PTPRD: variants seen among roughly 807,000 people sequenced by gnomAD.
PTPRD encodes the protein protein tyrosine phosphatase receptor type D, also known as receptor-type tyrosine-protein phosphatase delta.
A neutral mutation model predicts 214.5 loss-of-function variants in PTPRD; 34 were observed. The observed-to-expected ratio is 0.16, with a 90% CI of 0.12 to 0.21. The LOEUF (loss-of-function observed/expected upper bound fraction) is 0.21, where lower values mean the gene tolerates loss of function less well. PTPRD is among the 10% of genes least tolerant of loss of function. The pLI is 1.00. For synonymous variants in PTPRD, 1,128 were observed against 845.7 expected, an observed-to-expected ratio of 1.33 and a Z score of -5.79; for missense variants, 2,545 against 2,398.7, an observed-to-expected ratio of 1.06 and a Z score of -1.27.
intron 39 of PTPRD, among the ~76,000 whole-genome samples, chr9:8,366,854 A>G (rs985507546): frequency 2.0e-5 from 3 of 152,232 alleles, no homozygotes; most frequent in Non-Finnish European, 4.4e-5. Context: ...TATCAACTCC[A>G]AAGAGCATGG....
chr9:8,819,598 T>A (rs1169239544), intron 11 of PTPRD, among the ~76,000 whole-genome samples: 3 of 152,094 alleles, frequency 2.0e-5, no homozygotes, highest in African/African-American at 7.2e-5. Flanking sequence ...GAGGCAGAGG[T>A]TGCAGTGAGC....
intron 2 of PTPRD, among the ~76,000 whole-genome samples, chr9:10,473,431 T>C (rs903266010): frequency 2.6e-5 from 4 of 152,092 alleles, no homozygotes; most frequent in African/African-American, 7.2e-5. Context: ...TAATTGACAA[T>C]AGTGAACTTG....
Position 9,935,736 on chromosome 9 carries a change from C to T in PTPRD, c.-368+2771G>A, listed in dbSNP as rs1321045103. On this transcript the variant is annotated intron_variant, in intron 5 of 45. Coordinates refer to ENST00000381196, the MANE Select transcript of PTPRD (RefSeq NM_002839.4). ...AATTGGAAAAAACTACTTTAAAGTT[C>T]ATATGGAACCAAAAAAAAAGCCCGC... 3.6e-5 allele frequency among the ~76,000 whole-genome samples: 5 copies of T among 140,382 alleles called. 1 individual carries two copies. Among genetic ancestry groups the T allele is most frequent in the African/African-American group, 1.6e-4 (5 of 30,364 alleles). 92.1% of individuals were successfully genotyped at this position (140,382 alleles called of 152,430 possible).
intron 14 of PTPRD, among the ~76,000 whole-genome samples, chr9:8,591,846 C>T (rs577452943): frequency 7.9e-5 from 12 of 152,210 alleles, no homozygotes; most frequent in Admixed American, 2.6e-4. Context: ...AACCTTCTAA[C>T]GGAATAGCCT....
At chr9:8,471,642 A>G (rs1035336711) in intron 30 of PTPRD, among the ~76,000 whole-genome samples, 3 of 152,136 alleles carry the variant, frequency 2.0e-5, no homozygotes, top group African/African-American at 7.2e-5. Flanking sequence ...TTTTCTACCC[A>G]TCAAATTGCA....
At chr9:9,635,408 T>C (rs185491435) in intron 7 of PTPRD, among the ~76,000 whole-genome samples, 1 of 152,184 alleles carries the variant, frequency 6.6e-6, no homozygotes, top group Non-Finnish European at 1.5e-5. Flanking sequence ...CCGAACTTTA[T>C]TGTAAGGTCT....
chr9:9,081,114 T>G (rs536113468), intron 10 of PTPRD, among the ~76,000 whole-genome samples: 27 of 152,294 alleles, frequency 1.8e-4, no homozygotes, highest in African/African-American at 6.3e-4. Context: ...TCTTTCCTGC[T>G]TTCTCCTGTG....
intron 10 of PTPRD, among the ~76,000 whole-genome samples, chr9:9,027,894 A>C (rs912259802): frequency 2.6e-5 from 4 of 151,972 alleles, no homozygotes; most frequent in Non-Finnish European, 4.4e-5. Context: ...TGTCATATAA[A>C]GTGGTGGTAA....
chr9:8,693,640 T>C (rs1326790681), intron 12 of PTPRD, among the ~76,000 whole-genome samples: 2 of 152,182 alleles, frequency 1.3e-5, no homozygotes, highest in Non-Finnish European at 1.5e-5. Flanking sequence ...GTCTGAGAAA[T>C]CGCTCTCTGG....
intron 3 of PTPRD, among the ~76,000 whole-genome samples, chr9:10,295,786 G>T (rs117111263): frequency 6.6e-6 from 1 of 151,998 alleles, no homozygotes; most frequent in Non-Finnish European, 1.5e-5. Context: ...ATTCACATGA[G>T]CCTTGAAAGC....
intron 11 of PTPRD, among the ~76,000 whole-genome samples, chr9:8,813,636 G>A (rs1343296112): frequency 6.6e-6 from 1 of 152,188 alleles, no homozygotes; most frequent in African/African-American, 2.4e-5. Context: ...GCCTCCTGCA[G>A]TGCTGGGATT....
At chr9:9,300,801 A>G (rs1954972920) in intron 9 of PTPRD, among the ~76,000 whole-genome samples, 1 of 151,894 alleles carries the variant, frequency 6.6e-6, no homozygotes, top group Non-Finnish European at 1.5e-5. Context: ...CATACAATTT[A>G]TGGTATTTTG....
At chr9:8,740,182 T>G (rs1277272932) in intron 11 of PTPRD, among the ~76,000 whole-genome samples, 1 of 152,136 alleles carries the variant, frequency 6.6e-6, no homozygotes, top group Admixed American at 6.5e-5. Context: ...TGATCAAGAA[T>G]GCAAAGGGAA....
At chr9:10,246,430 G>C (rs2092115454) in intron 3 of PTPRD, among the ~76,000 whole-genome samples, 1 of 152,110 alleles carries the variant, frequency 6.6e-6, no homozygotes, top group South Asian at 2.1e-4. Context: ...TTGTAGTAGA[G>C]ATGGGTTTTC....
At chr9:10,540,528 G>A (rs2058868698) in intron 2 of PTPRD, among the ~76,000 whole-genome samples, 1 of 152,024 alleles carries the variant, frequency 6.6e-6, no homozygotes, top group Non-Finnish European at 1.5e-5. Flanking sequence ...AGTAGTTTTG[G>A]AGTTTTTAAC....
intron 2 of PTPRD, among the ~76,000 whole-genome samples, chr9:10,377,518 C>A (rs574553915): frequency 1.3e-5 from 2 of 151,936 alleles, no homozygotes; most frequent in Non-Finnish European, 2.9e-5. Flanking sequence ...TCAATTCCCA[C>A]CTATGAGTGA....
chr9:10,025,998 G>C (rs548812151), intron 4 of PTPRD, among the ~76,000 whole-genome samples: 2 of 152,302 alleles, frequency 1.3e-5, no homozygotes, highest in Admixed American at 6.5e-5. Flanking sequence ...CAAGGCTAAG[G>C]AAGGGTTAAG....
intron 14 of PTPRD, among the ~76,000 whole-genome samples, chr9:8,566,767 T>C (rs1157225050): frequency 6.6e-6 from 1 of 152,174 alleles, no homozygotes; most frequent in Admixed American, 6.5e-5. Context: ...CATTTTAAGA[T>C]AAAAAGTGAT....
intron 9 of PTPRD, among the ~76,000 whole-genome samples, chr9:9,279,581 A>T (rs1039834220): frequency 1.4e-4 from 21 of 150,756 alleles, no homozygotes; most frequent in Admixed American, 2.7e-4. Flanking sequence ...TCTATTGCAG[A>T]CAATATTACA....
Sources: gnomAD v4.1 joint callset for allele counts (sites outside exome capture counted in the v4.1 genomes callset) on GRCh38, gnomAD v4.1.1 for gene constraint, MANE v1.5 for transcripts, NCBI Gene and HGNC (gene_info 2026-07-23, HGNC 2026-07-21) for gene names.